The following RHBDD2 variants were observed in gnomAD, a reference collection of about 807,000 sequenced individuals.
RHBDD2 encodes rhomboid domain containing 2, also known as rhomboid domain-containing protein 2.
Under a neutral mutation model 21.7 loss-of-function variants are expected in RHBDD2, and 13 were observed. That is an observed-to-expected ratio of 0.60 (90% CI 0.39 to 0.95). The LOEUF is 0.95. Among genes scored for constraint, RHBDD2 ranks in the 40% least tolerant of loss-of-function variants. RHBDD2 has a pLI of 0.00. For missense variants in RHBDD2, 473 were observed against 478.9 expected (o/e 0.99, Z 0.11); for synonymous variants, 225 against 220.0 (o/e 1.02, Z -0.20).
rs1805144695 is a variant in RHBDD2, at chr7:75,879,034, A to AGAGGACCG, written c.-47_-40dup. The stretch of plus-strand genomic sequence containing the variant: ...ACTGCCGCGAGGAGGCGGAAGGAGC[A>AGAGGACCG]GAGGACCGGCAGCCGGCGTCGAGGC... On this transcript the variant is annotated 5_prime_UTR_variant, in exon 1 of 4. Transcript: ENST00000006777. The AGAGGACCG allele has an allele frequency of 7.4e-7, 1 of 1,357,328 alleles. No individual in the cohort carries two copies. The highest frequency in any genetic ancestry group is 1.5e-5 in the African/African-American group (1 of 64,930). The allele number at this position is 1,357,328 out of a possible 1,614,324, so 84.1% of individuals were successfully genotyped here. A position where few individuals can be genotyped will look rare whatever the true frequency, so the allele number is the denominator to read the frequency against.
rs782695017 is a variant in RHBDD2 at position 75,888,690 on chromosome 7, T to C, written c.*341T>C. ...TGTCCCCAGCTCCACCATTCCTCCC[T>C]GTGGCTGTGCCGTGCTCGTGGTTTC... On this transcript the variant is annotated 3_prime_UTR_variant, in exon 4 of 4. Coordinates refer to ENST00000006777, the MANE Select transcript of RHBDD2 (RefSeq NM_001040456.3). 5 of 319,314 alleles carry C rather than the reference T, an allele frequency of 1.6e-5. No individual in the cohort carries two copies. The highest frequency in any genetic ancestry group is 3.0e-5 in the Non-Finnish European group (5 of 169,390). 19.8% of individuals were successfully genotyped at this position (319,314 alleles called of 1,614,324 possible). A position where few individuals can be genotyped will look rare whatever the true frequency, so the allele number is the denominator to read the frequency against.
In RHBDD2 at chr7:75,888,262, G is replaced by A. The variant is rs372147983; in HGVS notation, c.1008G>A (p.Val336=). The A allele has an allele frequency of 6.3e-4, 1,022 of 1,613,696 alleles. 16 individuals carry two copies. In the South Asian group the frequency reaches 7.4e-3, roughly 12 times the overall value. ...TGGGCATCCAGCCCCCCACGCCTGTGAACAGCCCTGGCACGGTGTATTCTG... is the reference window on the plus strand; with the variant it reads ...TGGGCATCCAGCCCCCCACGCCTGTAAACAGCCCTGGCACGGTGTATTCTG... ...TSLGIQPPTP[V]NSPGTVYSGA... The change falls in exon 4 of 4, where the codon GTG becomes GTA. Residue 336 remains valine (V), a synonymous_variant. Coordinates refer to ENST00000006777, the MANE Select transcript of RHBDD2 (RefSeq NM_001040456.3).
intron 2 of RHBDD2, among the ~76,000 whole-genome samples, chr7:75,883,212 A>C (rs929607367): frequency 6.6e-6 from 1 of 152,196 alleles, no homozygotes; most frequent in Admixed American, 6.5e-5. Flanking sequence ...CCGGTGAGGC[A>C]CAGTGAGTAG....
At position 75,887,999 on chromosome 7, in the gene RHBDD2, C is replaced by G; in HGVS notation, c.745C>G (p.Pro249Ala). Residue 249 changes from proline (P) to alanine (A), a missense_variant, in exon 4 of 4, where the codon CCG becomes GCG. Transcript: ENST00000006777. ...RRAAQSRKLNPVPGSYPTQSC... is the reference protein window; with the variant it reads ...RRAAQSRKLNAVPGSYPTQSC... ...TCTCTTGTTCCATTCCAGACTGAAC[C>G]CGGTGCCTGGCTCCTACCCCACACA... 4 of 1,611,390 alleles carry G rather than the reference C, an allele frequency of 2.5e-6. No homozygotes were observed. The highest frequency in any genetic ancestry group is 3.4e-6 in the Non-Finnish European group (4 of 1,178,522).
At chr7:75,885,087 C>A (rs141354173) in intron 3 of RHBDD2, among the ~76,000 whole-genome samples, 128 of 150,444 alleles carry the variant, frequency 8.5e-4, no homozygotes, top group African/African-American at 3.1e-3. Context: ...GCACTCCAGC[C>A]TGGTTGACAG....
chr7:75,879,255 G>A lies in RHBDD2; in HGVS notation c.173G>A (p.Trp58Ter). 6.6e-7 allele frequency: 1 copy of A among 1,506,576 alleles called. No individual in the cohort carries two copies. 93.3% of individuals were successfully genotyped at this position (1,506,576 alleles called of 1,614,324 possible). A position where few individuals can be genotyped will look rare whatever the true frequency, so the allele number is the denominator to read the frequency against. Residue 58 changes from tryptophan (W) to a stop codon, truncating the protein, a stop_gained, in exon 1 of 4, where the codon TGG (tryptophan) becomes TAG (stop). Coordinates refer to ENST00000006777, the MANE Select transcript of RHBDD2 (RefSeq NM_001040456.3). LOFTEE classifies it high-confidence loss of function. ...CTGAAGTCCGAGGCCCTTCGCAACT[G>A]GCAAGGTGAGCAGGGGCGGGCCGGG... ...LTLKSEALRN[W>*]QVYRLVTYIF...
intron 1 of RHBDD2, chr7:75,881,617 G>GAAGT (rs1563375865): frequency 1.5e-5 from 16 of 1,070,046 alleles, no homozygotes; most frequent in Non-Finnish European, 2.6e-6. Context: ...CAGGCCTGGG[G>GAAGT]AAGTGTAGGG....
In RHBDD2 at chr7:75,888,624, G is replaced by T; in HGVS notation, c.*275G>T. Reference sequence around the variant, plus strand: ...GACAAGGCTCCTCGCCAAGGAACTCGTGGCAGAAGAGGGCAGCAGTTGGCA... The same window carrying T: ...GACAAGGCTCCTCGCCAAGGAACTCTTGGCAGAAGAGGGCAGCAGTTGGCA... On this transcript the variant is annotated 3_prime_UTR_variant, in exon 4 of 4. Transcript: ENST00000006777. 2.3e-6 allele frequency: 1 copy of T among 444,398 alleles called. No individual in the cohort carries two copies. Among genetic ancestry groups the T allele is most frequent in the African/African-American group, 2.0e-5 (1 of 51,012 alleles). The allele number at this position is 444,398 out of a possible 1,614,324, so 27.5% of individuals were successfully genotyped here. A position where few individuals can be genotyped will look rare whatever the true frequency, so the allele number is the denominator to read the frequency against.
Position 75,888,026 on chromosome 7 carries a change from A to T in RHBDD2, c.772A>T (p.Ser258Cys). ...NPVPGSYPTQSCHPHLSPSHP... is the reference protein window; with the variant it reads ...NPVPGSYPTQCCHPHLSPSHP... Reference sequence around the variant, plus strand: ...GGTGCCTGGCTCCTACCCCACACAGAGCTGCCACCCTCACCTGTCCCCAAG... The same window carrying T: ...GGTGCCTGGCTCCTACCCCACACAGTGCTGCCACCCTCACCTGTCCCCAAG... Residue 258 changes from serine (S) to cysteine (C), a missense_variant, in exon 4 of 4, where the codon AGC (serine) becomes TGC (cysteine). Transcript: ENST00000006777. The T allele has an allele frequency of 6.2e-7, 1 of 1,613,314 alleles. No individual in the cohort carries two copies. The highest frequency in any genetic ancestry group is 8.5e-7 in the Non-Finnish European group (1 of 1,179,916).
chr7:75,881,921 G>A lies in RHBDD2; in HGVS notation c.271G>A (p.Glu91Lys), dbSNP rs1554542611. ...CATCTGGCGCTTTGCTGGCAATTTC[G>A]AGAGAACCGTGGGCACCGTCCGCCA... ...IIIWRFAGNFERTVGTVRHCF... is the reference protein window; with the variant it reads ...IIIWRFAGNFKRTVGTVRHCF... The change falls in exon 2 of 4, where the codon GAG (glutamate) becomes AAG (lysine). Residue 91 changes from glutamate (E) to lysine (K), a missense_variant. By Grantham distance (56) the Glu-to-Lys change is moderately conservative (BLOSUM62 1). Coordinates refer to ENST00000006777, the MANE Select transcript of RHBDD2 (RefSeq NM_001040456.3). 3.1e-6 allele frequency: 5 copies of A among 1,614,224 alleles called. No homozygotes were observed. The highest frequency in any genetic ancestry group is 2.7e-5 in the African/African-American group (2 of 75,058).
rs1242752216 is a variant in RHBDD2, at chr7:75,887,912, C to T, written c.738-80C>T. 8 of 1,206,414 alleles carry T rather than the reference C, an allele frequency of 6.6e-6. No individual in the cohort carries two copies. In the African/African-American group the frequency reaches 7.5e-5, roughly 11 times the overall value. 74.7% of individuals were successfully genotyped at this position (1,206,414 alleles called of 1,614,324 possible). On this transcript the variant is annotated intron_variant, in intron 3 of 3. Coordinates refer to ENST00000006777, the MANE Select transcript of RHBDD2 (RefSeq NM_001040456.3). ...ATCCAAGGCATGTTGTACTAGAAAG[C>T]GGGGGCAACCTCAAGCACAAGATGC...
chr7:75,887,977 C>T lies in RHBDD2; in HGVS notation c.738-15C>T. The T allele has an allele frequency of 6.2e-7, 1 of 1,604,208 alleles. No homozygotes were observed. Among genetic ancestry groups the T allele is most frequent in the Non-Finnish European group, 8.5e-7 (1 of 1,173,026 alleles). ...GACTCGCTGAAGGACCATTTTCTCT[C>T]TTGTTCCATTCCAGACTGAACCCGG... is the stretch of plus-strand genomic sequence containing the variant. On this transcript the variant is annotated splice_polypyrimidine_tract_variant and intron_variant, in intron 3 of 3. Transcript: ENST00000006777.
At chr7:75,880,889 C>T (rs1805286062) in intron 1 of RHBDD2, among the ~76,000 whole-genome samples, 3 of 152,062 alleles carry the variant, frequency 2.0e-5, no homozygotes, top group Admixed American at 6.6e-5. Context: ...TCACACCTGA[C>T]TAATTTTTAA....
rs782186764 is a variant in RHBDD2 at position 75,881,814 on chromosome 7, C to G, written c.179-15C>G. 1 of 1,580,298 alleles carries G rather than the reference C, an allele frequency of 6.3e-7. No homozygotes were observed. The highest frequency in any genetic ancestry group is 8.6e-7 in the Non-Finnish European group (1 of 1,160,072). The stretch of plus-strand genomic sequence containing the variant: ...GCAACCCGCCGCCAGGCCTCTAACC[C>G]GACTCCCTCTGCAGTTTACAGGCTG... On this transcript the variant is annotated splice_polypyrimidine_tract_variant and intron_variant, in intron 1 of 3. Coordinates refer to ENST00000006777, the MANE Select transcript of RHBDD2 (RefSeq NM_001040456.3).
intron 3 of RHBDD2, among the ~76,000 whole-genome samples, chr7:75,887,570 C>T (rs181047148): frequency 2.4e-4 from 36 of 152,128 alleles, no homozygotes; most frequent in Non-Finnish European, 3.4e-4. Context: ...ATGATCCACC[C>T]GCCTTGGCCT....
Position 75,883,743 on chromosome 7 carries a change from C to T in RHBDD2, c.632C>T (p.Ala211Val), listed in dbSNP as rs1293797780. 14 of 1,613,566 alleles carry T rather than the reference C, an allele frequency of 8.7e-6. No individual in the cohort carries two copies. The highest frequency in any genetic ancestry group is 2.2e-5 in the South Asian group (2 of 91,076). ...CYSIDLSERV[A>V]LKLDQTFPFS... ...TCCATCGACCTCTCAGAGCGAGTGG[C>T]ACTGAAGCTCGATCAGACCTTCCCC... is the stretch of plus-strand genomic sequence containing the variant. Residue 211 changes from alanine to valine, a missense_variant, in exon 3 of 4, where the codon GCA becomes GTA. Physicochemically the swap from Ala to Val is moderately conservative, Grantham distance 64 (BLOSUM62 0). Coordinates refer to ENST00000006777, the MANE Select transcript of RHBDD2 (RefSeq NM_001040456.3).
intron 1 of RHBDD2, among the ~76,000 whole-genome samples, chr7:75,880,640 C>G (rs1176919945): frequency 1.3e-5 from 2 of 152,082 alleles, no homozygotes; most frequent in Non-Finnish European, 2.9e-5. Flanking sequence ...ACTCCCAAGT[C>G]CAATATTACC....
In RHBDD2 at chr7:75,881,969, G is replaced by A. The variant is rs782706762; in HGVS notation, c.319G>A (p.Ala107Thr). 54 of 1,614,184 alleles carry A rather than the reference G, an allele frequency of 3.3e-5. 1 individual carries two copies. Among genetic ancestry groups the A allele is most frequent in the South Asian group, 8.8e-5 (8 of 91,088 alleles). Residue 107 changes from alanine (A) to threonine (T), a missense_variant, in exon 2 of 4, where the codon GCC becomes ACC. Coordinates refer to ENST00000006777, the MANE Select transcript of RHBDD2 (RefSeq NM_001040456.3). Reference sequence around the variant, plus strand: ...CCACTGCTTCTTCACCGTGATCTTCGCCATCTTCTCCGCTATCATCTTCCT... The same window carrying A: ...CCACTGCTTCTTCACCGTGATCTTCACCATCTTCTCCGCTATCATCTTCCT... The part of the protein sequence containing the change: ...VRHCFFTVIF[A>T]IFSAIIFLSF...
At chr7:75,882,290 G>C in intron 2 of RHBDD2, 54 bp downstream of exon 2, 1 of 1,488,824 alleles carries the variant, frequency 6.7e-7, no homozygotes, top group Non-Finnish European at 9.1e-7. Flanking sequence ...GGTGAACCAG[G>C]CTGGAGGGTC....
Sources: gnomAD v4.1 joint callset for allele counts (sites outside exome capture counted in the v4.1 genomes callset) on GRCh38, gnomAD v4.1.1 for gene constraint, MANE v1.5 for transcripts, NCBI Gene and HGNC (gene_info 2026-07-23, HGNC 2026-07-21) for gene names.